TBCA: variants seen among roughly 807,000 people sequenced by gnomAD.
The protein encoded by TBCA is tubulin folding cofactor A, also known as tubulin-specific chaperone A.
In TBCA, 6 loss-of-function variants were observed where a neutral mutation model predicts 15.8. That is an observed-to-expected ratio of 0.38 (90% CI 0.21 to 0.75). The LOEUF is 0.75. Ranked by LOEUF, TBCA falls within the 30% of genes least tolerant of loss-of-function variation. The pLI is 0.46. For synonymous variants in TBCA, 32 were observed against 42.3 expected (o/e 0.76, Z 0.94); for missense variants, 90 against 131.2 (o/e 0.69, Z 1.53).
rs1412784792 is a variant in TBCA at position 77,737,339 on chromosome 5, T to A, written c.54-28992A>T. On this transcript the variant is annotated intron_variant, in intron 1 of 3. Transcript: ENST00000380377. ...AGGCTTGCCTCTCTCTAGTGATTGT[T>A]TTCCAGCTAACTTTGGCAAACAGTG... is the stretch of plus-strand genomic sequence containing the variant. 1.4e-4 allele frequency among the ~76,000 whole-genome samples: 21 copies of A among 152,222 alleles called. 1 individual carries two copies. Among genetic ancestry groups the A allele is most frequent in the Admixed American group, 1.2e-3 (18 of 15,286 alleles).
intron 1 of TBCA, among the ~76,000 whole-genome samples, chr5:77,774,708 G>C (rs1747981575): frequency 6.6e-6 from 1 of 152,040 alleles, no homozygotes. Context: ...GACCACCTCG[G>C]GCACATGTCA....
Position 77,756,019 on chromosome 5 carries a change from AAC to A in TBCA, c.53+20184_53+20185del, listed in dbSNP as rs1485793206. On this transcript the variant is annotated intron_variant, in intron 1 of 3. Coordinates refer to ENST00000380377, the MANE Select transcript of TBCA (RefSeq NM_004607.3). ...AAACTTTATCTCAAAAAACAACAACAACAAAAAAAAAAACACAAATGGGTTGC... is the reference window on the plus strand; with the variant it reads ...AAACTTTATCTCAAAAAACAACAACAAAAAAAAAAAACACAAATGGGTTGC... Among the ~76,000 whole-genome samples, 12 of 152,220 alleles carry A rather than the reference AAC, an allele frequency of 7.9e-5. No homozygotes were observed. In the South Asian group the frequency reaches 1.5e-3, roughly 18 times the overall value.
At chr5:77,761,013 T>G (rs1180597305) in intron 1 of TBCA, among the ~76,000 whole-genome samples, 6 of 146,802 alleles carry the variant, frequency 4.1e-5, no homozygotes, top group Non-Finnish European at 9.0e-5. Flanking sequence ...GTCTGGGAAG[T>G]GAGGAGCACC....
At chr5:77,707,823 T>A (rs374873682) in intron 2 of TBCA, among the ~76,000 whole-genome samples, 152 of 152,342 alleles carry the variant, frequency 1.0e-3, no homozygotes, top group African/African-American at 3.4e-3. Context: ...ATTTAGCGGT[T>A]AAGAGTACAG....
intron 1 of TBCA, among the ~76,000 whole-genome samples, chr5:77,723,471 G>T (rs1746567196): frequency 1.3e-5 from 2 of 151,952 alleles, no homozygotes; most frequent in East Asian, 1.9e-4. Flanking sequence ...GATCATGTGG[G>T]GGATGGGTAG....
At chr5:77,717,644 A>C (rs1040527448) in intron 1 of TBCA, among the ~76,000 whole-genome samples, 1 of 151,798 alleles carries the variant, frequency 6.6e-6, no homozygotes, top group Non-Finnish European at 1.5e-5. Flanking sequence ...ACCGTGACCA[A>C]CATGGTAAAA....
chr5:77,766,512 A>ATTTTT (rs1180091515), intron 1 of TBCA, among the ~76,000 whole-genome samples: 4 of 58,298 alleles, frequency 6.9e-5, no homozygotes, highest in Non-Finnish European at 1.3e-4. Context: ...TTATTTATTT[A>ATTTTT]TTTTTTTTTT....
chr5:77,719,826 G>A (rs760735615), intron 1 of TBCA, among the ~76,000 whole-genome samples: 4 of 152,098 alleles, frequency 2.6e-5, no homozygotes, highest in Non-Finnish European at 4.4e-5. Context: ...GTCCTGAGAT[G>A]TCAGTGAGAT....
At chr5:77,751,673 A>C (rs996891647) in intron 1 of TBCA, among the ~76,000 whole-genome samples, 2 of 152,156 alleles carry the variant, frequency 1.3e-5, no homozygotes, top group Admixed American at 1.3e-4. Context: ...CAAGGGGTTC[A>C]CCCTGCCCAC....
intron 1 of TBCA, among the ~76,000 whole-genome samples, chr5:77,732,916 A>G (rs1042667467): frequency 2.0e-5 from 3 of 152,160 alleles, no homozygotes; most frequent in Non-Finnish European, 4.4e-5. Context: ...CAGGTCAGTC[A>G]ATAACTCTAT....
chr5:77,716,906 G>A (rs771995777), intron 1 of TBCA, among the ~76,000 whole-genome samples: 9 of 152,184 alleles, frequency 5.9e-5, no homozygotes, highest in Non-Finnish European at 1.2e-4. Flanking sequence ...TTTTCCAAGT[G>A]ATAGTTTAGG....
chr5:77,735,762 T>C (rs1273271558), intron 1 of TBCA, among the ~76,000 whole-genome samples: 1 of 152,220 alleles, frequency 6.6e-6, no homozygotes, highest in Non-Finnish European at 1.5e-5. Flanking sequence ...CATTCACTCA[T>C]ATGCTTACTG....
At chr5:77,704,220 T>C (rs533734911) in intron 2 of TBCA, among the ~76,000 whole-genome samples, 1 of 152,296 alleles carries the variant, frequency 6.6e-6, no homozygotes, top group East Asian at 1.9e-4. Context: ...TCTACCCAGC[T>C]TGGCCTCCCA....
At chr5:77,701,337 T>G (rs1746007757) in intron 2 of TBCA, among the ~76,000 whole-genome samples, 1 of 151,926 alleles carries the variant, frequency 6.6e-6, no homozygotes, top group South Asian at 2.1e-4. Context: ...ATCAGGGAAA[T>G]GCAAATCAAA....
At chr5:77,717,839 A>G (rs1319290703) in intron 1 of TBCA, among the ~76,000 whole-genome samples, 1 of 139,894 alleles carries the variant, frequency 7.1e-6, no homozygotes, top group East Asian at 2.2e-4. Context: ...TCTCAAAAGA[A>G]AAAAAAAAGG....
chr5:77,731,045 C>A (rs1379014301), intron 1 of TBCA, among the ~76,000 whole-genome samples: 1 of 152,168 alleles, frequency 6.6e-6, no homozygotes, highest in African/African-American at 2.4e-5. Flanking sequence ...CCCTTGCCTG[C>A]AGATTTCCTT....
intron 1 of TBCA, among the ~76,000 whole-genome samples, chr5:77,722,393 A>G (rs1034424251): frequency 2.6e-5 from 4 of 152,060 alleles, no homozygotes; most frequent in Non-Finnish European, 5.9e-5. Context: ...TAGAGGAAAA[A>G]GGAATGCTCT....
intron 1 of TBCA, among the ~76,000 whole-genome samples, chr5:77,721,442 C>A (rs1174372745): frequency 2.6e-5 from 4 of 151,986 alleles, no homozygotes; most frequent in Non-Finnish European, 5.9e-5. Context: ...TGTCTTAAGT[C>A]CTTTTGTACA....
At chr5:77,692,113 A>T in intron 3 of TBCA, 1 of 983,010 alleles carries the variant, frequency 1.0e-6, no homozygotes, top group Non-Finnish European at 1.2e-6. Flanking sequence ...TGTAATGATA[A>T]CAGACAAATG....
Sources: gnomAD v4.1 joint callset for allele counts (sites outside exome capture counted in the v4.1 genomes callset) on GRCh38, gnomAD v4.1.1 for gene constraint, MANE v1.5 for transcripts, NCBI Gene and HGNC (gene_info 2026-07-23, HGNC 2026-07-21) for gene names.